DSCAML1: variants seen among roughly 807,000 people sequenced by gnomAD.
The protein encoded by DSCAML1 is DS cell adhesion molecule like 1.
Under a neutral mutation model 200.5 loss-of-function variants are expected in DSCAML1, and 38 were observed. That is an observed-to-expected ratio of 0.19 (90% confidence interval 0.15 to 0.25). DSCAML1 has a LOEUF of 0.25. Ranked by LOEUF, DSCAML1 falls within the 10% of genes least tolerant of loss-of-function variation. DSCAML1 has a pLI of 1.00. For synonymous variants in DSCAML1, 1,215 were observed against 1,165.0 expected, an observed-to-expected ratio of 1.04 and a Z score of -0.87; for missense variants, 2,223 against 2,858.8, an observed-to-expected ratio of 0.78 and a Z score of 5.07.
At chr11:117,749,561 C>T (rs560568917) in intron 3 of DSCAML1, among the ~76,000 whole-genome samples, 6 of 152,340 alleles carry the variant, frequency 3.9e-5, no homozygotes, top group African/African-American at 9.6e-5. Flanking sequence ...CAGCACCAGG[C>T]GACCAGCAGA....
chr11:117,517,979 C>T (rs1356336585), intron 7 of DSCAML1, among the ~76,000 whole-genome samples: 1 of 152,186 alleles, frequency 6.6e-6, no homozygotes, highest in Non-Finnish European at 1.5e-5. Flanking sequence ...TTGCTTATAC[C>T]TCCTGGAGCA....
Position 117,431,053 on chromosome 11 carries a change from G to A in DSCAML1, c.5375-20C>T. On this transcript the variant is annotated intron_variant, in intron 31 of 32. Transcript: ENST00000651296. ...CTTTGTCTGGGGAGTTAAGAGGAAAGGGGTGGGTTACGGGGAGGAGGGTAT... is the reference window on the plus strand; with the variant it reads ...CTTTGTCTGGGGAGTTAAGAGGAAAAGGGTGGGTTACGGGGAGGAGGGTAT... The A allele has an allele frequency of 6.3e-7, 1 of 1,597,176 alleles. No individual in the cohort carries two copies. Among genetic ancestry groups the A allele is most frequent in the East Asian group, 2.2e-5 (1 of 44,748 alleles).
rs1196207687 is a variant in DSCAML1, at chr11:117,780,157, GAGAAAGAA to G, written c.364+328_364+335del. On this transcript the variant is annotated intron_variant, in intron 2 of 32. Transcript: ENST00000651296. This position sits in a 1 kb window ranked among gnomAD's most constrained non-coding sequence, Gnocchi z 4.8. ...GCAAAAAGAAAGAGAGAGAGAGAGA[GAGAAAGAA>G]AGAAAGAAAAAAAGAAAAAAAGAAA... 7.1e-6 allele frequency among the ~76,000 whole-genome samples: 1 copy of G among 139,898 alleles called. No individual in the cohort carries two copies. Among genetic ancestry groups the G allele is most frequent in the Non-Finnish European group, 1.5e-5 (1 of 64,820 alleles). The allele number at this position is 139,898 out of a possible 152,430, so 91.8% of individuals were successfully genotyped here. A position where few individuals can be genotyped will look rare whatever the true frequency, so the allele number is the denominator to read the frequency against.
intron 20 of DSCAML1, among the ~76,000 whole-genome samples, chr11:117,448,566 T>C (rs1395591434): frequency 7.0e-6 from 1 of 142,816 alleles, no homozygotes; most frequent in Non-Finnish European, 1.5e-5. Context: ...TGTGGAGGTG[T>C]GAAGAGGCAC....
intron 3 of DSCAML1, among the ~76,000 whole-genome samples, chr11:117,551,923 T>C (rs942526331): frequency 2.0e-5 from 3 of 151,714 alleles, no homozygotes; most frequent in African/African-American, 7.3e-5. Context: ...TATTACAGAA[T>C]GAGTGGGAGG....
intron 11 of DSCAML1, among the ~76,000 whole-genome samples, chr11:117,486,333 AAATGGCGGATGTGAT>A (rs1208735758): frequency 8.3e-4 from 125 of 150,244 alleles, no homozygotes; most frequent in Admixed American, 1.5e-3. Context: ...GCGGATGTGA[AAATGGCGGATGTGAT>A]AATGGCGGAT....
intron 21 of DSCAML1, among the ~76,000 whole-genome samples, chr11:117,440,220 A>G (rs1448576945): frequency 6.6e-6 from 1 of 152,200 alleles, no homozygotes; most frequent in Non-Finnish European, 1.5e-5. Context: ...ACCATCCAAG[A>G]GGGAGACAGA....
At chr11:117,689,804 T>C (rs1475135337) in intron 3 of DSCAML1, among the ~76,000 whole-genome samples, 1 of 152,232 alleles carries the variant, frequency 6.6e-6, no homozygotes, top group East Asian at 1.9e-4. Context: ...TCCTGGAGGA[T>C]AGGTATTTGC....
At chr11:117,744,932 C>T (rs2077448) in intron 3 of DSCAML1, among the ~76,000 whole-genome samples, 278 of 152,346 alleles carry the variant, frequency 1.8e-3, no homozygotes, top group African/African-American at 6.3e-3. Context: ...GCAGGGAGGG[C>T]GGGCCAACCC....
intron 3 of DSCAML1, among the ~76,000 whole-genome samples, chr11:117,661,857 C>G (rs1307631381): frequency 6.6e-6 from 1 of 152,162 alleles, no homozygotes; most frequent in African/African-American, 2.4e-5. Flanking sequence ...AAAAGAGTGG[C>G]TGGATGGAAG....
chr11:117,607,640 C>A (rs186450068), intron 3 of DSCAML1, among the ~76,000 whole-genome samples: 1 of 152,276 alleles, frequency 6.6e-6, no homozygotes, highest in Admixed American at 6.5e-5. Context: ...CAGGGGCCTA[C>A]GCATTAGGTG....
intron 1 of DSCAML1, among the ~76,000 whole-genome samples, chr11:117,790,688 C>G (rs1219765995): frequency 6.6e-6 from 1 of 152,146 alleles, no homozygotes; most frequent in Non-Finnish European, 1.5e-5. Flanking sequence ...GCCTCTTATT[C>G]TTATTTATGC....
intron 3 of DSCAML1, among the ~76,000 whole-genome samples, chr11:117,741,677 C>T (rs554774857): frequency 1.7e-4 from 26 of 152,354 alleles, no homozygotes; most frequent in South Asian, 6.2e-4. Context: ...CTTTTCCAGG[C>T]TGCTCCACAC....
intron 3 of DSCAML1, among the ~76,000 whole-genome samples, chr11:117,686,471 G>T (rs527409312): frequency 6.6e-6 from 1 of 152,336 alleles, no homozygotes; most frequent in Non-Finnish European, 1.5e-5. Context: ...CGCACTGCGG[G>T]TCCACAGCTG....
At chr11:117,762,547 A>C (rs2054821812) in intron 3 of DSCAML1, among the ~76,000 whole-genome samples, 1 of 152,130 alleles carries the variant, frequency 6.6e-6, no homozygotes, top group South Asian at 2.1e-4. Flanking sequence ...TGCTACATGG[A>C]ATCATGATGA....
At chr11:117,595,136 G>A (rs2051339105) in intron 3 of DSCAML1, among the ~76,000 whole-genome samples, 1 of 151,690 alleles carries the variant, frequency 6.6e-6, no homozygotes, top group Non-Finnish European at 1.5e-5. Context: ...TGAGGGTGAG[G>A]GAAGGCTACA....
chr11:117,650,667 CTGTGTGTGTGTGTGTGTGTGTGTG>C (rs66966642), intron 3 of DSCAML1, among the ~76,000 whole-genome samples: 1 of 143,434 alleles, frequency 7.0e-6, no homozygotes, highest in Non-Finnish European at 1.5e-5. Context: ...GTGTGTCTAT[CTGTGTGTGTGTGTGTGTGTGTGTG>C]TGTGTGTGTG....
intron 3 of DSCAML1, among the ~76,000 whole-genome samples, chr11:117,723,427 A>G (rs1303944347): frequency 6.6e-6 from 1 of 152,318 alleles, no homozygotes; most frequent in East Asian, 1.9e-4. Flanking sequence ...GTGTACAAGG[A>G]TTGCCATGAG....
At chr11:117,536,852 C>T (rs190314165) in intron 3 of DSCAML1, among the ~76,000 whole-genome samples, 1 of 152,206 alleles carries the variant, frequency 6.6e-6, no homozygotes, top group Admixed American at 6.5e-5. Flanking sequence ...TTTTGCCATC[C>T]CCTTTTCTCT....
Sources: gnomAD v4.1 joint callset for allele counts (sites outside exome capture counted in the v4.1 genomes callset) on GRCh38, gnomAD v4.1.1 for gene constraint, Gnocchi (gnomAD v3.1) non-coding constraint, MANE v1.5 for transcripts, NCBI Gene and HGNC (gene_info 2026-07-23, HGNC 2026-07-21) for gene names.